Variants in ZAP70 observed in about 807,000 individuals in gnomAD.
ZAP70 encodes zeta chain of T cell receptor associated protein kinase 70.
A neutral mutation model predicts 65.8 loss-of-function variants in ZAP70; 27 were observed. The ratio of observed to expected loss-of-function variants is 0.41; its 90% CI spans 0.30 to 0.57. The LOEUF is 0.57. Ranked by LOEUF, ZAP70 falls within the 20% of genes least tolerant of loss-of-function variation. The pLI, the probability that ZAP70 is intolerant of heterozygous loss-of-function variation, is 0.28. For synonymous variants in ZAP70, 363 were observed against 360.8 expected (o/e 1.01, Z -0.07); for missense variants, 696 against 870.5 (o/e 0.80, Z 2.52).
chr2:97,739,659 GCCCCCT>G lies in ZAP70; in HGVS notation c.*162_*167del. 8.6e-7 allele frequency: 1 copy of G among 1,163,602 alleles called. No individual in the cohort carries two copies. The highest frequency in any genetic ancestry group is 1.5e-5 in the South Asian group (1 of 66,614). 72.1% of individuals were successfully genotyped at this position (1,163,602 alleles called of 1,614,324 possible). A position where few individuals can be genotyped will look rare whatever the true frequency, so the allele number is the denominator to read the frequency against. On this transcript the variant is annotated 3_prime_UTR_variant, in exon 14 of 14. Transcript: ENST00000264972. Reference sequence around the variant, plus strand: ...ACACCGGCCTTGCATTGCCTGCCTGGCCCCCTGTCCTCTCTGGCTGGGGAGCAGGGA... The same window carrying G: ...ACACCGGCCTTGCATTGCCTGCCTGGGTCCTCTCTGGCTGGGGAGCAGGGA...
the ZAP70 span, among the ~76,000 whole-genome samples, chr2:97,749,281 T>C: frequency 1.3e-5 from 2 of 152,200 alleles, no homozygotes; most frequent in Admixed American, 6.5e-5. Context: ...AGTGCTAGGA[T>C]TGCAGGCATG....
downstream of ZAP70, among the ~76,000 whole-genome samples, chr2:97,744,275 T>C (rs76916368): frequency 0.01 from 1,594 of 152,284 alleles, 24 homozygotes; most frequent in African/African-American, 0.036. Flanking sequence ...GCTGGGAGAA[T>C]GGCCTCTACC....
At position 97,716,635 on chromosome 2, in the gene ZAP70, G is replaced by A. The variant is rs1464560643; in HGVS notation, c.-22+2641G>A. On this transcript the variant is annotated intron_variant, in intron 2 of 13. Coordinates refer to ENST00000264972, the MANE Select transcript of ZAP70 (RefSeq NM_001079.4). ...AGGGAACAGACAGTACAAAGGCCCT[G>A]AGGCTGCACCATGCCTGGTTTGTCC... Among the ~76,000 whole-genome samples the A allele has an allele frequency of 3.3e-5, 5 of 152,314 alleles. No homozygotes were observed. The East Asian group carries it at 9.7e-4, about 29-fold the overall frequency.
intron 8 of ZAP70, 102 bp downstream of exon 8, chr2:97,733,697 G>A: frequency 6.8e-7 from 1 of 1,471,088 alleles, no homozygotes; most frequent in Non-Finnish European, 9.5e-7. Context: ...TGTGGGCCGG[G>A]CCAGGCTGTG....
chr2:97,730,031 A>T (rs769824231), intron 4 of ZAP70, among the ~76,000 whole-genome samples: 9 of 152,206 alleles, frequency 5.9e-5, no homozygotes, highest in Non-Finnish European at 1.0e-4. Context: ...GTTTGAGACC[A>T]GCCTGGCCAA....
At chr2:97,749,437 G>A in the ZAP70 span, among the ~76,000 whole-genome samples, 1 of 152,226 alleles carries the variant, frequency 6.6e-6, no homozygotes, top group Admixed American at 6.5e-5. Flanking sequence ...GGGAATGATG[G>A]CAATAGGTCT....
the ZAP70 span, among the ~76,000 whole-genome samples, chr2:97,756,126 T>C: frequency 1.3e-5 from 2 of 152,044 alleles, no homozygotes; most frequent in African/African-American, 4.8e-5. Context: ...CCAAACAGGC[T>C]TTCAAGTTGT....
rs1025150335 is a variant in ZAP70, at chr2:97,732,691, G to A, written c.564-192G>A. 8.0e-6 allele frequency: 6 copies of A among 751,300 alleles called. No homozygotes were observed. In the East Asian group the frequency reaches 1.3e-4, roughly 17 times the overall value. The allele number at this position is 751,300 out of a possible 1,614,324, so 46.5% of individuals were successfully genotyped here. A position where few individuals can be genotyped will look rare whatever the true frequency, so the allele number is the denominator to read the frequency against. On this transcript the variant is annotated intron_variant, in intron 4 of 13. Transcript: ENST00000264972. Reference sequence around the variant, plus strand: ...GGAACACAGCCATGGCCCCTCCACCGCCCTCTGCCACTTGGCCCATCATCA... The same window carrying A: ...GGAACACAGCCATGGCCCCTCCACCACCCTCTGCCACTTGGCCCATCATCA...
At position 97,724,117 on chromosome 2, in the gene ZAP70, G is replaced by A. The variant is rs1677272429; in HGVS notation, c.81G>A (p.Ala27=). 3 of 1,567,636 alleles carry A rather than the reference G, an allele frequency of 1.9e-6. No homozygotes were observed. The highest frequency in any genetic ancestry group is 1.2e-5 in the South Asian group (1 of 86,634). The change falls in exon 3 of 14, where the codon GCG becomes GCA. Residue 27 remains alanine, a synonymous_variant. Coordinates refer to ENST00000264972, the MANE Select transcript of ZAP70 (RefSeq NM_001079.4). The part of the protein sequence containing the change: ...RAEAEEHLKL[A]GMADGLFLLR... ...AGGCCGAGGAGCACCTGAAGCTGGCGGGCATGGCGGACGGGCTCTTCCTGC... is the reference window on the plus strand; with the variant it reads ...AGGCCGAGGAGCACCTGAAGCTGGCAGGCATGGCGGACGGGCTCTTCCTGC...
chr2:97,732,102 G>A (rs887542021), intron 4 of ZAP70, among the ~76,000 whole-genome samples: 15 of 152,104 alleles, frequency 9.9e-5, no homozygotes, highest in African/African-American at 3.4e-4. Flanking sequence ...AGCGGATGGG[G>A]GGACAGTTTC....
chr2:97,721,912 T>C (rs1439238596), intron 2 of ZAP70, among the ~76,000 whole-genome samples: 1 of 151,274 alleles, frequency 6.6e-6, no homozygotes, highest in Non-Finnish European at 1.5e-5. Flanking sequence ...GCCTCCCGAG[T>C]AGCTGGAATT....
chr2:97,728,920 T>C (rs1321266266), intron 4 of ZAP70, among the ~76,000 whole-genome samples: 1 of 152,234 alleles, frequency 6.6e-6, no homozygotes, highest in African/African-American at 2.4e-5. Flanking sequence ...GCTTGGCTAA[T>C]TTTTGTATTT....
At chr2:97,752,804 A>C in the ZAP70 span, among the ~76,000 whole-genome samples, 1 of 152,128 alleles carries the variant, frequency 6.6e-6, no homozygotes, top group East Asian at 1.9e-4. Flanking sequence ...TATTTTTTCC[A>C]ACCTGCCCAT....
Position 97,735,448 on chromosome 2 carries a change from C to G in ZAP70, c.1281C>G (p.Val427=), listed in dbSNP as rs202012066. ...AGGGPLHKFL[V]GKREEIPVSN... ...GCGGGCCGCTGCACAAGTTCCTGGT[C>G]GGCAAGAGGTGAGCACCGGGTGGGC... Residue 427 remains valine (V), a synonymous_variant, in exon 10 of 14, where the codon GTC becomes GTG. Transcript: ENST00000264972. The G allele has an allele frequency of 1.2e-6, 2 of 1,609,694 alleles. No homozygotes were observed. The highest frequency in any genetic ancestry group is 1.7e-6 in the Non-Finnish European group (2 of 1,177,232).
intron 2 of ZAP70, among the ~76,000 whole-genome samples, chr2:97,714,199 A>G (rs1676820420): frequency 6.6e-6 from 1 of 152,008 alleles, no homozygotes; most frequent in Admixed American, 6.5e-5. Context: ...CCCCCTCCAG[A>G]GGCTTGGCCG....
rs541011572 is a variant in ZAP70, at chr2:97,736,354, T to A, written c.1289+898T>A. Among the ~76,000 whole-genome samples, 13 of 152,232 alleles carry A rather than the reference T, an allele frequency of 8.5e-5. No individual in the cohort carries two copies. The highest frequency in any genetic ancestry group is 3.4e-3 in the Middle Eastern group (1 of 294). On this transcript the variant is annotated intron_variant, in intron 10 of 13. Transcript: ENST00000264972. This position sits in a 1 kb window ranked among gnomAD's most constrained non-coding sequence, Gnocchi z 4.0. The stretch of plus-strand genomic sequence containing the variant: ...CAAGTTCTGCACTCCCCAAGGCACG[T>A]TTTTGCTGATCTGTGCCCTCTGGCT...
intron 4 of ZAP70, 148 bp from the exon 5 acceptor site, chr2:97,732,735 G>T (rs536576791): frequency 2.1e-5 from 25 of 1,162,994 alleles, no homozygotes; most frequent in Middle Eastern, 5.8e-4. Flanking sequence ...GGAGGTGATG[G>T]GGGCCTGGCC....
Position 97,715,560 on chromosome 2 carries a change from G to A in ZAP70, c.-22+1566G>A, listed in dbSNP as rs189854012. Among the ~76,000 whole-genome samples, 2 of 152,300 alleles carry A rather than the reference G, an allele frequency of 1.3e-5. No individual in the cohort carries two copies. The highest frequency in any genetic ancestry group is 1.9e-4 in the East Asian group (1 of 5,178). On this transcript the variant is annotated intron_variant, in intron 2 of 13. Transcript: ENST00000264972. This position sits in a 1 kb window ranked among gnomAD's most constrained non-coding sequence, Gnocchi z 4.1. ...GGCATTGTTCAATCAACAGACACTT[G>A]GAGAGTGTGCTGGGTTGGGGAATCT...
intron 2 of ZAP70, among the ~76,000 whole-genome samples, chr2:97,719,737 A>C (rs11692671): frequency 0.32 from 48,618 of 152,036 alleles, 9,286 homozygotes; most frequent in Non-Finnish European, 0.41. Context: ...CATGCAATAA[A>C]ATTTTTATAT....
Sources: allele counts gnomAD v4.1 joint callset (sites outside exome capture counted in the v4.1 genomes callset), GRCh38; gene constraint gnomAD v4.1.1; non-coding constraint Gnocchi (gnomAD v3.1); transcripts MANE v1.5; gene names NCBI Gene and HGNC (gene_info 2026-07-23, HGNC 2026-07-21).